TMEM44: variants seen among roughly 807,000 people sequenced by gnomAD.
TMEM44 encodes transmembrane protein 44.
In TMEM44, 43 loss-of-function variants were observed where a neutral mutation model predicts 47.8. That is an observed-to-expected ratio of 0.90 (90% CI 0.70 to 1.16). The LOEUF (loss-of-function observed/expected upper bound fraction) is 1.16, where lower values mean the gene tolerates loss of function less well. Ranked by LOEUF, TMEM44 falls within the 50% of genes most tolerant of loss-of-function variation. TMEM44 has a pLI of 0.00. For missense variants in TMEM44, 568 were observed against 555.2 expected (o/e 1.02, Z -0.23); for synonymous variants, 277 against 238.8 (o/e 1.16, Z -1.48).
In TMEM44 at chr3:194,617,448, C is replaced by G. The variant is rs111609174; in HGVS notation, c.613-179G>C. The G allele has an allele frequency of 5.5e-5, 42 of 760,846 alleles. 1 individual carries two copies. The highest frequency in any genetic ancestry group is 5.3e-4 in the African/African-American group (30 of 56,614). The allele number at this position is 760,846 out of a possible 1,614,324, so 47.1% of individuals were successfully genotyped here. ...GCTTCTTCTGCCTGTCAAACTCCTACTCATCCCTCAGAACCTGGCTTCAAC... is the reference window on the plus strand; with the variant it reads ...GCTTCTTCTGCCTGTCAAACTCCTAGTCATCCCTCAGAACCTGGCTTCAAC... On this transcript the variant is annotated intron_variant, in intron 5 of 9. Transcript: ENST00000347147.
chr3:194,589,885 C>T (rs548014512), intron 9 of TMEM44: 2 of 151,974 alleles, frequency 1.3e-5, no homozygotes, highest in African/African-American at 4.8e-5. Context: ...GGTATTGGAT[C>T]AGCAACGAGA....
chr3:194,617,876 A>C, intron 5 of TMEM44: 1 of 620,070 alleles, frequency 1.6e-6, no homozygotes, highest in Non-Finnish European at 2.9e-6. Flanking sequence ...TTCTCCTGAG[A>C]TCTGGCTGTT....
chr3:194,599,393 C>T (rs1407767512), intron 9 of TMEM44, among the ~76,000 whole-genome samples: 3 of 152,140 alleles, frequency 2.0e-5, no homozygotes, highest in Non-Finnish European at 2.9e-5. Context: ...GACACCGCCT[C>T]GCCCACCTTC....
In TMEM44 at chr3:194,623,584, T is replaced by G; in HGVS notation, c.470A>C (p.Lys157Thr). Residue 157 changes from lysine to threonine, a missense_variant, in exon 4 of 10, where the codon AAG becomes ACG. Lys to Thr is a moderately conservative substitution (Grantham distance 78, BLOSUM62 -1). Transcript: ENST00000347147. ...TGGCCCCCGGATGGTGGCTGAAGCCTTCGGGACAGCAACCCACAGAGCCCA... is the reference window on the plus strand; with the variant it reads ...TGGCCCCCGGATGGTGGCTGAAGCCGTCGGGACAGCAACCCACAGAGCCCA... ...PCWALWVAVP[K>T]ASATIRGPQR... 1 of 1,611,178 alleles carries G rather than the reference T, an allele frequency of 6.2e-7. No individual in the cohort carries two copies. Among genetic ancestry groups the G allele is most frequent in the Non-Finnish European group, 8.5e-7 (1 of 1,179,436 alleles).
In TMEM44 at chr3:194,604,430, T is replaced by C. The variant is rs764231160; in HGVS notation, c.1033A>G (p.Thr345Ala). The part of the protein sequence containing the change: ...EPVQQAGCSA[T>A]RLPGDGQTSA... ...GTCTGCCCGTCACCTGGCAGCCTGG[T>C]GGCACTGCAGCCTGCCTGCAAGGTG... is the stretch of plus-strand genomic sequence containing the variant. The change falls in exon 9 of 10, where the codon ACC (threonine) becomes GCC (alanine). Residue 345 changes from threonine (T) to alanine (A), a missense_variant. Transcript: ENST00000347147. 7 of 1,521,794 alleles carry C rather than the reference T, an allele frequency of 4.6e-6. No individual in the cohort carries two copies. Among genetic ancestry groups the C allele is most frequent in the Middle Eastern group, 1.7e-4 (1 of 5,900 alleles). The allele number at this position is 1,521,794 out of a possible 1,614,324, so 94.3% of individuals were successfully genotyped here. A position where few individuals can be genotyped will look rare whatever the true frequency, so the allele number is the denominator to read the frequency against.
chr3:194,599,026 C>T (rs755809992), intron 9 of TMEM44, among the ~76,000 whole-genome samples: 6 of 152,178 alleles, frequency 3.9e-5, no homozygotes, highest in Non-Finnish European at 8.8e-5. Flanking sequence ...AGGCCAGGGG[C>T]AGTCCAAGAG....
chr3:194,594,660 T>G (rs1281873088), intron 9 of TMEM44, among the ~76,000 whole-genome samples: 1 of 151,846 alleles, frequency 6.6e-6, no homozygotes, highest in Non-Finnish European at 1.5e-5. Context: ...GGATACAAAT[T>G]ACTAAACTGA....
Position 194,618,291 on chromosome 3 carries a change from G to A in TMEM44, c.613-1022C>T, listed in dbSNP as rs1258745849. Among the ~76,000 whole-genome samples, 4 of 152,130 alleles carry A rather than the reference G, an allele frequency of 2.6e-5. No individual in the cohort carries two copies. In the East Asian group the frequency reaches 7.7e-4, roughly 29 times the overall value. The stretch of plus-strand genomic sequence containing the variant: ...AATAAAACTATTGGTTCAATAAAAG[G>A]AAATATGCACTATTTATATTTCTAT... On this transcript the variant is annotated intron_variant, in intron 5 of 9. Coordinates refer to ENST00000347147, the MANE Select transcript of TMEM44 (RefSeq NM_001011655.3).
At chr3:194,622,998 C>T (rs1716727908) in intron 5 of TMEM44, 1 of 467,578 alleles carries the variant, frequency 2.1e-6, no homozygotes, top group Non-Finnish European at 3.8e-6. Flanking sequence ...ACGGGCTTTC[C>T]CCGAGAGGCT....
At chr3:194,613,960 T>C (rs1205739507) in intron 7 of TMEM44, among the ~76,000 whole-genome samples, 1 of 151,520 alleles carries the variant, frequency 6.6e-6, no homozygotes, top group African/African-American at 2.4e-5. Context: ...CAGTCTCTAC[T>C]AAAAATACAA....
chr3:194,630,112 G>A lies in TMEM44; in HGVS notation c.138-1603C>T, dbSNP rs536586401. Among the ~76,000 whole-genome samples, 40 of 103,266 alleles carry A rather than the reference G, an allele frequency of 3.9e-4. 3 individuals carry two copies. The highest frequency in any genetic ancestry group is 9.0e-4 in the Admixed American group (8 of 8,916). The allele number at this position is 103,266 out of a possible 152,430, so 67.7% of individuals were successfully genotyped here. On this transcript the variant is annotated intron_variant, in intron 1 of 9. Coordinates refer to ENST00000347147, the MANE Select transcript of TMEM44 (RefSeq NM_001011655.3). ...GAAGGGGCTGGCTGTTTCCATCGGC[G>A]TCACTGATAGGGCCCCTGAAATAAT...
chr3:194,598,538 AC>A (rs1404601066), intron 9 of TMEM44, among the ~76,000 whole-genome samples: 1 of 152,116 alleles, frequency 6.6e-6, no homozygotes, highest in Non-Finnish European at 1.5e-5. Context: ...ACTTAAACTT[AC>A]CTAGTCCCAG....
chr3:194,588,253 G>A lies in TMEM44; in HGVS notation c.*276C>T. 2.4e-6 allele frequency: 1 copy of A among 409,990 alleles called. No homozygotes were observed. Among genetic ancestry groups the A allele is most frequent in the South Asian group, 3.7e-5 (1 of 27,020 alleles). The allele number at this position is 409,990 out of a possible 1,614,324, so 25.4% of individuals were successfully genotyped here. A position where few individuals can be genotyped will look rare whatever the true frequency, so the allele number is the denominator to read the frequency against. ...AAGGGAAAAGGAAGAGCGGGTCTGA[G>A]ATCCTTTGGATTATCTTTACGAAGC... On this transcript the variant is annotated 3_prime_UTR_variant, in exon 10 of 10. Transcript: ENST00000347147.
chr3:194,609,316 C>G (rs945620068), intron 8 of TMEM44, among the ~76,000 whole-genome samples: 2 of 152,010 alleles, frequency 1.3e-5, no homozygotes, highest in South Asian at 2.1e-4. Context: ...TGTGGGACTG[C>G]AGGGCCCACC....
chr3:194,616,519 T>A (rs781161010), intron 6 of TMEM44: 7 of 451,700 alleles, frequency 1.5e-5, no homozygotes, highest in South Asian at 1.1e-4. Context: ...AAGGCAGAAA[T>A]GTAAACGACA....
intron 8 of TMEM44, among the ~76,000 whole-genome samples, chr3:194,607,766 G>C (rs1182093306): frequency 6.6e-6 from 1 of 152,188 alleles, no homozygotes; most frequent in Non-Finnish European, 1.5e-5. Context: ...TCAGAGCCTG[G>C]CAAGTCCCTA....
chr3:194,623,752 G>A, intron 3 of TMEM44, 57 bp from the exon 4 acceptor site: 1 of 1,604,090 alleles, frequency 6.2e-7, no homozygotes, highest in South Asian at 1.1e-5. Context: ...TGTCAGATCA[G>A]ATAGCTGCGT....
chr3:194,622,473 AC>A (rs200132594), intron 5 of TMEM44: 19 of 135,176 alleles, frequency 1.4e-4, no homozygotes, highest in East Asian at 4.3e-4. Flanking sequence ...CTCACATCTT[AC>A]CCCCCCCAGC....
At chr3:194,597,302 G>T (rs1713534485) in intron 9 of TMEM44, 1 of 152,190 alleles carries the variant, frequency 6.6e-6, no homozygotes, top group Non-Finnish European at 1.5e-5. Context: ...CACAAAGGTG[G>T]ACTGAACCTT....
Sources: gnomAD v4.1 joint callset for allele counts (sites outside exome capture counted in the v4.1 genomes callset) on GRCh38, gnomAD v4.1.1 for gene constraint, MANE v1.5 for transcripts, NCBI Gene and HGNC (gene_info 2026-07-23, HGNC 2026-07-21) for gene names.